Variants in FGF13 observed in about 807,000 individuals in gnomAD.
FGF13 encodes fibroblast growth factor 13, also known as fibroblast growth factor homologous factor 2.
FGF13 carries 2 observed loss-of-function variants against 19.5 expected under a neutral mutation model. The observed-to-expected ratio is 0.10, with a 90% CI of 0.04 to 0.32. The LOEUF (loss-of-function observed/expected upper bound fraction) is 0.32. FGF13 is among the 10% of genes least tolerant of loss of function. The pLI, the probability that FGF13 is intolerant of heterozygous loss-of-function variation, is 1.00. For synonymous variants in FGF13, 72 were observed against 76.9 expected (o/e 0.94, Z 0.33); for missense variants, 113 against 192.7 (o/e 0.59, Z 2.45).
In FGF13 at chrX:138,997,951, C is replaced by G. The variant is rs2092051198; in HGVS notation, c.-112-133301G>C. On this transcript the variant is annotated intron_variant, in intron 1 of 2. Transcript: ENST00000421460. ...AGCCAGAGAGAAAGGTCGGGTTACC[C>G]ACAAAGGGAAGCCCATTGGACTAAC... 2.7e-5 allele frequency among the ~76,000 whole-genome samples: 3 copies of G among 111,472 alleles called. No individual in the cohort carries two copies. In the South Asian group the frequency reaches 1.1e-3, roughly 43 times the overall value.
Position 139,022,412 on chromosome X carries a change from T to A in FGF13, c.-112-157762A>T, listed in dbSNP as rs1373628412. 3.6e-5 allele frequency among the ~76,000 whole-genome samples: 4 copies of A among 112,062 alleles called. No homozygotes were observed. In the East Asian group the frequency reaches 1.1e-3, roughly 32 times the overall value. On this transcript the variant is annotated intron_variant, in intron 1 of 2. Transcript: ENST00000421460. ...TACACAGGGCATTGTAAAAATAATTTTCCTACATTTATTTAAAGTTAAAAA... is the reference window on the plus strand; with the variant it reads ...TACACAGGGCATTGTAAAAATAATTATCCTACATTTATTTAAAGTTAAAAA...
intron 3 of FGF13, among the ~76,000 whole-genome samples, chrX:138,647,349 C>T (rs1286719650): frequency 9.0e-6 from 1 of 111,019 alleles, no homozygotes; most frequent in Non-Finnish European, 1.9e-5. Context: ...AAGTGAATCA[C>T]ATTTTCACAA....
At chrX:138,655,200 G>A (rs1398536409) in intron 3 of FGF13, among the ~76,000 whole-genome samples, 1 of 111,969 alleles carries the variant, frequency 8.9e-6, no homozygotes, top group Non-Finnish European at 1.9e-5. Flanking sequence ...GTGCCTGGTA[G>A]TCTTCATTTG....
At chrX:138,642,137 G>A (rs1357558033) in intron 3 of FGF13, among the ~76,000 whole-genome samples, 1 of 101,478 alleles carries the variant, frequency 9.9e-6, no homozygotes, top group Non-Finnish European at 2.0e-5. Context: ...AAGTGGCCTA[G>A]AGGTAAATTC....
intron 1 of FGF13, among the ~76,000 whole-genome samples, chrX:139,149,959 C>A (rs1211902276): frequency 8.9e-6 from 1 of 111,851 alleles, no homozygotes; most frequent in Non-Finnish European, 1.9e-5. Flanking sequence ...ACACCCACAC[C>A]TACACACAAA....
At chrX:138,667,278 G>T (rs77236885) in intron 3 of FGF13, among the ~76,000 whole-genome samples, 1 of 107,852 alleles carries the variant, frequency 9.3e-6, no homozygotes, top group South Asian at 3.8e-4. Context: ...TATATAGAGA[G>T]AGAGAGAGAA....
At chrX:138,673,347 T>G (rs924946792) in intron 3 of FGF13, among the ~76,000 whole-genome samples, 2 of 111,103 alleles carry the variant, frequency 1.8e-5, no homozygotes, top group Non-Finnish European at 3.8e-5. Flanking sequence ...TGACCAGGCA[T>G]GTTATTTACG....
At chrX:139,127,467 C>G (rs995425908) in intron 1 of FGF13, among the ~76,000 whole-genome samples, 2 of 111,850 alleles carry the variant, frequency 1.8e-5, no homozygotes, top group African/African-American at 6.5e-5. Flanking sequence ...AAGGGGTTGA[C>G]AACCACCACT....
chrX:138,740,230 T>C (rs927274069), upstream of FGF13, among the ~76,000 whole-genome samples: 7 of 111,506 alleles, frequency 6.3e-5, no homozygotes, highest in Non-Finnish European at 1.1e-4. Context: ...CTGGGAAAAC[T>C]GCCCTCGAGT....
downstream of FGF13, among the ~76,000 whole-genome samples, chrX:138,854,789 C>T (rs1421558699): frequency 9.0e-6 from 1 of 111,075 alleles, no homozygotes; most frequent in Admixed American, 9.6e-5. Flanking sequence ...TACTAGCATA[C>T]GGGCATTGCA....
At chrX:138,908,071 CTTTT>C (rs757824173) in intron 1 of FGF13, among the ~76,000 whole-genome samples, 5 of 58,968 alleles carry the variant, frequency 8.5e-5, no homozygotes, top group Admixed American at 1.9e-4. Flanking sequence ...TAATCATTTT[CTTTT>C]TTTTTTTTTT....
intron 3 of FGF13, among the ~76,000 whole-genome samples, chrX:138,844,639 A>G (rs143056307): frequency 7.7e-4 from 86 of 111,974 alleles, no homozygotes; most frequent in African/African-American, 2.8e-3. Context: ...TCCTTCCTGA[A>G]GCCGAGTCCT....
chrX:139,067,681 T>A (rs2092361532), intron 1 of FGF13, among the ~76,000 whole-genome samples: 1 of 111,943 alleles, frequency 8.9e-6, no homozygotes, highest in Admixed American at 9.4e-5. Flanking sequence ...ATAGGAAGAA[T>A]CGATATCGTG....
At chrX:138,751,930 A>G (rs907123132) in intron 3 of FGF13, among the ~76,000 whole-genome samples, 2 of 112,062 alleles carry the variant, frequency 1.8e-5, no homozygotes, top group Non-Finnish European at 3.8e-5. Flanking sequence ...ATTATTATTT[A>G]TACCATTTTA....
At chrX:139,188,098 T>C (rs1329336618) in intron 1 of FGF13, among the ~76,000 whole-genome samples, 2 of 112,103 alleles carry the variant, frequency 1.8e-5, no homozygotes, top group Non-Finnish European at 3.8e-5. Flanking sequence ...GCTTCCTTAG[T>C]TCTCTGTGTT....
intron 3 of FGF13, among the ~76,000 whole-genome samples, chrX:138,837,480 G>A (rs1367791112): frequency 8.9e-6 from 1 of 112,191 alleles, no homozygotes; most frequent in Non-Finnish European, 1.9e-5. Flanking sequence ...ACTCTGCTGT[G>A]CTGTGGTATT....
chrX:138,825,767 C>A (rs2091030027), intron 3 of FGF13, among the ~76,000 whole-genome samples: 1 of 111,906 alleles, frequency 8.9e-6, no homozygotes, highest in Non-Finnish European at 1.9e-5. Context: ...TAATAGGCAG[C>A]CTCACTCTTA....
chrX:139,130,788 A>G (rs1424813637), intron 1 of FGF13, among the ~76,000 whole-genome samples: 2 of 112,300 alleles, frequency 1.8e-5, no homozygotes, highest in Non-Finnish European at 3.8e-5. Context: ...ATACCAAAAT[A>G]TATGAAAATC....
In FGF13 at chrX:138,630,739, T is replaced by C. The variant is rs1158338188; in HGVS notation, c.*2111A>G. 3.6e-5 allele frequency: 4 copies of C among 111,834 alleles called. No individual in the cohort carries two copies. Among genetic ancestry groups the C allele is most frequent in the Non-Finnish European group, 7.5e-5 (4 of 53,190 alleles). 9.2% of individuals were successfully genotyped at this position (111,834 alleles called of 1,213,427 possible). A position where few individuals can be genotyped will look rare whatever the true frequency, so the allele number is the denominator to read the frequency against. On this transcript the variant is annotated 3_prime_UTR_variant, in exon 5 of 5. Coordinates refer to ENST00000315930, the MANE Select transcript of FGF13 (RefSeq NM_004114.5). ...AAAAGCACTAGTCAACTACGTTTTA[T>C]GTATTTCACAATTCTTCCCTCCATA...
Sources: allele counts gnomAD v4.1 joint callset (sites outside exome capture counted in the v4.1 genomes callset), GRCh38; gene constraint gnomAD v4.1.1; transcripts MANE v1.5; gene names NCBI Gene and HGNC (gene_info 2026-07-23, HGNC 2026-07-21).